The following SBF2 variants were observed in gnomAD, a reference collection of about 807,000 sequenced individuals.
The protein encoded by SBF2 is SET binding factor 2.
SBF2 carries 112 observed loss-of-function variants against 225.2 expected under a neutral mutation model. The ratio of observed to expected loss-of-function variants is 0.50; its 90% confidence interval spans 0.43 to 0.58. The LOEUF is 0.58. SBF2 is among the 20% of genes least tolerant of loss of function. The pLI, the probability that SBF2 is intolerant of heterozygous loss-of-function variation, is 0.00. For synonymous variants in SBF2, 763 were observed against 773.3 expected (o/e 0.99, Z 0.22); for missense variants, 1,996 against 2,206.2 (o/e 0.90, Z 1.91).
intron 32 of SBF2, among the ~76,000 whole-genome samples, chr11:9,803,792 G>A (rs1466649564): frequency 6.6e-6 from 1 of 151,746 alleles, no homozygotes; most frequent in Admixed American, 6.6e-5. Context: ...AAGGGAGTGG[G>A]GAGAATGGGA....
chr11:9,848,664 A>T (rs1856719123), intron 22 of SBF2, among the ~76,000 whole-genome samples: 1 of 152,276 alleles, frequency 6.6e-6, no homozygotes, highest in South Asian at 2.1e-4. Context: ...CAAAAGTCCT[A>T]CTATAAAAAA....
intron 13 of SBF2, among the ~76,000 whole-genome samples, chr11:9,972,204 A>C (rs1946491978): frequency 6.6e-6 from 1 of 152,170 alleles, no homozygotes; most frequent in African/African-American, 2.4e-5. Flanking sequence ...TACCTACTTC[A>C]TAAGGTTCTT....
intron 3 of SBF2, among the ~76,000 whole-genome samples, chr11:10,040,053 A>T (rs906195773): frequency 6.6e-6 from 1 of 151,994 alleles, no homozygotes; most frequent in Admixed American, 6.6e-5. Context: ...GTTAGAAAAT[A>T]ATCATTTTTT....
At chr11:9,958,571 G>C (rs904459971) in intron 16 of SBF2, 6 of 192,882 alleles carry the variant, frequency 3.1e-5, no homozygotes, top group Non-Finnish European at 3.2e-5. Flanking sequence ...TGTTAGCCAG[G>C]ATGGTCTCGA....
Position 10,065,447 on chromosome 11 carries a change from T to A in SBF2, c.142-22466A>T, listed in dbSNP as rs563356985. Among the ~76,000 whole-genome samples, 16 of 151,964 alleles carry A rather than the reference T, an allele frequency of 1.1e-4. No homozygotes were observed. In the South Asian group the frequency reaches 3.1e-3, roughly 30 times the overall value. On this transcript the variant is annotated intron_variant, in intron 2 of 39. Coordinates refer to ENST00000256190, the MANE Select transcript of SBF2 (RefSeq NM_030962.4). The stretch of plus-strand genomic sequence containing the variant: ...ATAAAATAAAAAGTAGACACAGTAA[T>A]AAAAAATCAACTAAAGCAAAAGTTT...
At chr11:9,829,231 T>C in intron 28 of SBF2, 125 bp downstream of exon 28, 1 of 1,102,440 alleles carries the variant, frequency 9.1e-7, no homozygotes, top group Middle Eastern at 2.9e-4. Context: ...CCCTTCAGGG[T>C]AAAACTTTTA....
intron 2 of SBF2, among the ~76,000 whole-genome samples, chr11:10,062,172 C>G (rs1479134221): frequency 1.3e-5 from 2 of 152,160 alleles, no homozygotes; most frequent in Admixed American, 1.3e-4. Context: ...TTCCTCACAC[C>G]ATATACAAAA....
intron 4 of SBF2, 33 bp downstream of exon 4, chr11:10,031,015 A>G (rs758187690): frequency 6.4e-7 from 1 of 1,567,304 alleles, no homozygotes; most frequent in South Asian, 1.1e-5. Flanking sequence ...ACACAATAAT[A>G]CAAATTAATA....
chr11:9,859,093 T>C (rs1857526239), intron 17 of SBF2, among the ~76,000 whole-genome samples: 1 of 152,078 alleles, frequency 6.6e-6, no homozygotes, highest in African/African-American at 2.4e-5. Context: ...ACTTAAGAGG[T>C]GATTAACAAC....
At chr11:9,840,773 T>C (rs746573295) in intron 25 of SBF2, among the ~76,000 whole-genome samples, 1 of 152,212 alleles carries the variant, frequency 6.6e-6, no homozygotes, top group African/African-American at 2.4e-5. Flanking sequence ...GGAGTTACAC[T>C]TTTTTCCTGG....
intron 17 of SBF2, among the ~76,000 whole-genome samples, chr11:9,869,601 C>G (rs1487885298): frequency 2.0e-5 from 3 of 152,080 alleles, no homozygotes; most frequent in Admixed American, 2.0e-4. Context: ...AGAAAAAAAC[C>G]ACATGATTAT....
intron 16 of SBF2, among the ~76,000 whole-genome samples, chr11:9,941,706 C>G (rs1245538116): frequency 6.6e-6 from 1 of 152,034 alleles, no homozygotes; most frequent in Non-Finnish European, 1.5e-5. Flanking sequence ...ACAGATAAAG[C>G]TTAATGATTA....
At chr11:9,930,381 A>C (rs113091149) in intron 16 of SBF2, among the ~76,000 whole-genome samples, 451 of 152,324 alleles carry the variant, frequency 3.0e-3, no homozygotes, top group Non-Finnish European at 4.6e-3. Flanking sequence ...TACATATTTG[A>C]TTCCATTCAC....
intron 2 of SBF2, among the ~76,000 whole-genome samples, chr11:10,146,538 G>A (rs1421047458): frequency 1.3e-5 from 2 of 152,142 alleles, no homozygotes; most frequent in African/African-American, 4.8e-5. Flanking sequence ...AATTGAAACT[G>A]GACCCCTTCG....
chr11:10,084,849 T>A (rs953825700), intron 2 of SBF2, among the ~76,000 whole-genome samples: 1 of 151,698 alleles, frequency 6.6e-6, no homozygotes, highest in Non-Finnish European at 1.5e-5. Flanking sequence ...AAATGCCACA[T>A]GTTCTCACTT....
intron 2 of SBF2, among the ~76,000 whole-genome samples, chr11:10,143,724 G>GA (rs535733726): frequency 1.4e-5 from 2 of 143,272 alleles, no homozygotes; most frequent in African/African-American, 5.1e-5. Context: ...TTTTGCTTTT[G>GA]TTTTTTTTTT....
chr11:10,242,358 TA>T (rs1374412791), intron 1 of SBF2, among the ~76,000 whole-genome samples: 1 of 151,164 alleles, frequency 6.6e-6, no homozygotes, highest in Non-Finnish European at 1.5e-5. Flanking sequence ...AAAACACCCA[TA>T]GTAGGTACAA....
At chr11:9,962,896 AAAACATAG>A (rs1866669905) in intron 15 of SBF2, among the ~76,000 whole-genome samples, 1 of 152,218 alleles carries the variant, frequency 6.6e-6, no homozygotes, top group Non-Finnish European at 1.5e-5. Flanking sequence ...CAACTCTAAG[AAAACATAG>A]AAACCAAAAA....
intron 26 of SBF2, among the ~76,000 whole-genome samples, chr11:9,834,752 A>G (rs758920845): frequency 6.6e-6 from 1 of 152,220 alleles, no homozygotes; most frequent in Non-Finnish European, 1.5e-5. Context: ...CTTGAATATC[A>G]GTTTTTCCCA....
Sources: gnomAD v4.1 joint callset for allele counts (sites outside exome capture counted in the v4.1 genomes callset) on GRCh38, gnomAD v4.1.1 for gene constraint, MANE v1.5 for transcripts, NCBI Gene and HGNC (gene_info 2026-07-23, HGNC 2026-07-21) for gene names.